The following TLK2 variants were observed in gnomAD, a reference collection of about 807,000 sequenced individuals.
The protein encoded by TLK2 is serine/threonine-protein kinase tousled-like 2.
Under a neutral mutation model 117.3 loss-of-function variants are expected in TLK2, and 6 were observed. The ratio of observed to expected loss-of-function variants is 0.05; its 90% CI spans 0.03 to 0.10. TLK2 has a LOEUF of 0.10. Ranked by LOEUF, TLK2 falls within the 10% of genes least tolerant of loss-of-function variation. TLK2 has a pLI of 1.00. For missense variants in TLK2, 299 were observed against 901.2 expected, an observed-to-expected ratio of 0.33 and a Z score of 8.56; for synonymous variants, 257 against 316.7, an observed-to-expected ratio of 0.81 and a Z score of 2.00.
intron 10 of TLK2, among the ~76,000 whole-genome samples, chr17:62,561,332 G>A (rs1044963510): frequency 2.6e-5 from 4 of 152,154 alleles, no homozygotes; most frequent in African/African-American, 9.7e-5. Context: ...ATAATCCTTT[G>A]GGTATATACC....
intron 6 of TLK2, among the ~76,000 whole-genome samples, chr17:62,527,594 T>C (rs1345408381): frequency 6.6e-6 from 1 of 152,212 alleles, no homozygotes; most frequent in African/African-American, 2.4e-5. Flanking sequence ...GCTCCTTTTG[T>C]TGCACGTTAC....
At chr17:62,500,393 T>C (rs1441178443) in intron 2 of TLK2, among the ~76,000 whole-genome samples, 2 of 152,152 alleles carry the variant, frequency 1.3e-5, no homozygotes, top group Non-Finnish European at 2.9e-5. Context: ...CTAGGAGTAA[T>C]GAAGCATGAT....
At chr17:62,559,767 T>C (rs1170871051) in intron 9 of TLK2, among the ~76,000 whole-genome samples, 2 of 152,152 alleles carry the variant, frequency 1.3e-5, no homozygotes, top group Admixed American at 6.6e-5. Context: ...GAGCAAAATA[T>C]GATCAGTAGA....
intron 10 of TLK2, among the ~76,000 whole-genome samples, chr17:62,564,118 G>A (rs1052049172): frequency 6.6e-6 from 1 of 152,144 alleles, no homozygotes; most frequent in Non-Finnish European, 1.5e-5. Flanking sequence ...AAACATGTAG[G>A]CAGGCTGGGT....
chr17:62,585,904 G>T, intron 15 of TLK2: 1 of 381,368 alleles, frequency 2.6e-6, no homozygotes, highest in Non-Finnish European at 4.8e-6. Flanking sequence ...TCTGTTTGTG[G>T]TGTTGGCCTG....
intron 2 of TLK2, among the ~76,000 whole-genome samples, chr17:62,483,194 C>G (rs6504106): frequency 6.6e-6 from 1 of 151,104 alleles, no homozygotes; most frequent in South Asian, 2.1e-4. Context: ...ATGGTCCCCC[C>G]ACCCCCGCCT....
intron 21 of TLK2, among the ~76,000 whole-genome samples, chr17:62,611,754 T>C (rs1255819264): frequency 1.3e-5 from 2 of 152,264 alleles, no homozygotes. Context: ...AGGGCCTTTA[T>C]GCTAAGACTT....
intron 15 of TLK2, among the ~76,000 whole-genome samples, chr17:62,585,227 C>T (rs547675400): frequency 6.6e-6 from 1 of 152,116 alleles, no homozygotes; most frequent in Non-Finnish European, 1.5e-5. Flanking sequence ...GGGTGACTAA[C>T]TTCAGCCATT....
At chr17:62,558,055 A>G (rs1056053257) in intron 9 of TLK2, among the ~76,000 whole-genome samples, 6 of 152,166 alleles carry the variant, frequency 3.9e-5, no homozygotes, top group African/African-American at 1.4e-4. Flanking sequence ...TGAGGGAAAG[A>G]CTACATGTCT....
chr17:62,612,788 C>T lies in TLK2; in HGVS notation c.*223C>T, dbSNP rs1358015230. Reference sequence around the variant, plus strand: ...AGGCCTTGTAGGAAAAGGCCCCGCCCGAGGTTCCAGCGTCAACGGCCACTG... The same window carrying T: ...AGGCCTTGTAGGAAAAGGCCCCGCCTGAGGTTCCAGCGTCAACGGCCACTG... On this transcript the variant is annotated 3_prime_UTR_variant, in exon 22 of 22. Coordinates refer to ENST00000346027, the MANE Select transcript of TLK2 (RefSeq NM_006852.6). The T allele has an allele frequency of 5.4e-5, 20 of 369,422 alleles. No individual in the cohort carries two copies. The Admixed American group carries it at 6.5e-4, about 12-fold the overall frequency. 22.9% of individuals were successfully genotyped at this position (369,422 alleles called of 1,614,324 possible).
chr17:62,503,133 C>T (rs1384804590), intron 2 of TLK2, among the ~76,000 whole-genome samples: 3 of 144,878 alleles, frequency 2.1e-5, no homozygotes, highest in African/African-American at 7.7e-5. Context: ...GATCTTGGCT[C>T]ACGGCAAGCT....
At chr17:62,526,937 A>G (rs1051527856) in intron 6 of TLK2, among the ~76,000 whole-genome samples, 2 of 152,188 alleles carry the variant, frequency 1.3e-5, no homozygotes, top group African/African-American at 4.8e-5. Flanking sequence ...TCGTCTGCTC[A>G]ACACTTCCTA....
intron 11 of TLK2, among the ~76,000 whole-genome samples, chr17:62,570,226 A>T (rs1002444051): frequency 6.6e-6 from 1 of 152,174 alleles, no homozygotes; most frequent in Non-Finnish European, 1.5e-5. Context: ...CACAACCCAT[A>T]ATGGTGCAGA....
At chr17:62,497,088 C>CT (rs941473978) in intron 2 of TLK2, among the ~76,000 whole-genome samples, 1 of 151,952 alleles carries the variant, frequency 6.6e-6, no homozygotes, top group Admixed American at 6.6e-5. Context: ...GAAACCCCAT[C>CT]TCTCCAAAAA....
rs775483678 is a variant in TLK2, at chr17:62,536,232, G to A, written c.426G>A (p.Glu142=). The change falls in exon 7 of 22, where the codon GAG becomes GAA. Residue 142 remains glutamate, a synonymous_variant. Transcript: ENST00000346027. ...GTGCTGCAAAGGAGGCAACGGAGGAGCAGTCTGCTCTGCCAACCCTCATGT... is the reference window on the plus strand; with the variant it reads ...GTGCTGCAAAGGAGGCAACGGAGGAACAGTCTGCTCTGCCAACCCTCATGT... The part of the protein sequence containing the change: ...DGSAAKEATE[E]QSALPTLMSV... The A allele has an allele frequency of 1.2e-6, 2 of 1,613,070 alleles. No individual in the cohort carries two copies. The highest frequency in any genetic ancestry group is 1.1e-5 in the South Asian group (1 of 91,034).
intron 2 of TLK2, among the ~76,000 whole-genome samples, chr17:62,503,580 G>A (rs1383233941): frequency 1.3e-5 from 2 of 151,772 alleles, no homozygotes; most frequent in Non-Finnish European, 2.9e-5. Flanking sequence ...CACCATGTCT[G>A]GCTAATTTTT....
chr17:62,498,597 C>G (rs920463313), intron 2 of TLK2, among the ~76,000 whole-genome samples: 3 of 151,840 alleles, frequency 2.0e-5, no homozygotes, highest in African/African-American at 7.3e-5. Flanking sequence ...TGCCATTTTG[C>G]CCAGGCTGGT....
chr17:62,541,891 G>T (rs61194047), intron 7 of TLK2, among the ~76,000 whole-genome samples: 1 of 152,102 alleles, frequency 6.6e-6, no homozygotes, highest in African/African-American at 2.4e-5. Context: ...TGCTCATTCT[G>T]TACCACCACA....
chr17:62,602,106 G>C lies in TLK2; in HGVS notation c.1785G>C (p.Ser595=), dbSNP rs751158242. The change falls in exon 19 of 22, where the codon TCG becomes TCC. Residue 595 remains serine (S), a synonymous_variant. Coordinates refer to ENST00000346027, the MANE Select transcript of TLK2 (RefSeq NM_006852.6). ...GEIKITDFGL[S]KIMDDDSYNS... is the part of the protein sequence containing the mutation. ...TAAAAATTACAGATTTTGGTCTTTC[G>C]AAGATCATGGATGATGATAGCTACA... 6.2e-7 allele frequency: 1 copy of C among 1,613,644 alleles called. No homozygotes were observed. Among genetic ancestry groups the C allele is most frequent in the Admixed American group, 1.7e-5 (1 of 60,018 alleles).
Sources: gnomAD v4.1 joint callset for allele counts (sites outside exome capture counted in the v4.1 genomes callset) on GRCh38, gnomAD v4.1.1 for gene constraint, MANE v1.5 for transcripts, NCBI Gene and HGNC (gene_info 2026-07-23, HGNC 2026-07-21) for gene names.